The following CHD5 variants were observed in gnomAD, a reference collection of about 807,000 sequenced individuals.
CHD5 encodes ATP-dependent chromatin remodeler CHD5.
A neutral mutation model predicts 230.3 loss-of-function variants in CHD5; 69 were observed. That is an observed-to-expected ratio of 0.30 (90% CI 0.25 to 0.37). The LOEUF is 0.37. Among genes scored for constraint, CHD5 ranks in the 10% least tolerant of loss-of-function variants. The pLI, the probability that CHD5 is intolerant of heterozygous loss-of-function variation, is 1.00. For missense variants in CHD5, 1,827 were observed against 2,622.8 expected (o/e 0.70, Z 6.63); for synonymous variants, 1,064 against 1,065.9 (o/e 1.00, Z 0.03).
intron 33 of CHD5, among the ~76,000 whole-genome samples, chr1:6,119,377 C>T (rs1666429320): frequency 1.3e-5 from 2 of 152,140 alleles, no homozygotes; most frequent in African/African-American, 4.8e-5. Context: ...GGATTACTGG[C>T]ATGAGCCACC....
intron 1 of CHD5, among the ~76,000 whole-genome samples, chr1:6,177,183 C>A (rs1275872217): frequency 6.6e-6 from 1 of 152,254 alleles, no homozygotes; most frequent in African/African-American, 2.4e-5. Flanking sequence ...CTAGCTCCTC[C>A]AGCCACAAAC....
chr1:6,142,074 C>G lies in CHD5; in HGVS notation c.2436+54G>C. On this transcript the variant is annotated intron_variant, in intron 15 of 41. Transcript: ENST00000262450. The surrounding 1 kb of genome is among the most constrained non-coding windows in gnomAD (Gnocchi z 5.2). ...AAGGAGTGCACGGCACCCGTGGTCC[C>G]TGAACTAGACCGGGGGCCTTCCTAC... is the stretch of plus-strand genomic sequence containing the variant. 6.5e-7 allele frequency: 1 copy of G among 1,533,896 alleles called. No individual in the cohort carries two copies. Among genetic ancestry groups the G allele is most frequent in the Non-Finnish European group, 9.0e-7 (1 of 1,109,276 alleles).
intron 13 of CHD5, among the ~76,000 whole-genome samples, chr1:6,143,328 C>T (rs1349922673): frequency 8.5e-5 from 13 of 152,182 alleles, no homozygotes; most frequent in African/African-American, 2.9e-4. Context: ...CCACCATGCC[C>T]GGCCCATTTG....
chr1:6,107,354 A>T, intron 38 of CHD5, among the ~76,000 whole-genome samples: 1 of 110,546 alleles, frequency 9.0e-6, no homozygotes, highest in South Asian at 3.7e-4. Flanking sequence ...ATGGAGGGAT[A>T]ATGAAGGAAT....
chr1:6,148,329 C>G (rs1011763390), intron 9 of CHD5, among the ~76,000 whole-genome samples: 1 of 151,874 alleles, frequency 6.6e-6, no homozygotes, highest in African/African-American at 2.4e-5. Flanking sequence ...GCCTCCTGCC[C>G]TAGAAGCCTC....
In CHD5 at chr1:6,105,714, G is replaced by C. The variant is rs1371625444; in HGVS notation, c.*47-287C>G. ...CCACAGGGACAGACACAGCGTAGTG[G>C]AGGCTGGTGGCCCCAGAGAAGACCA... On this transcript the variant is annotated intron_variant, in intron 41 of 41. Coordinates refer to ENST00000262450, the MANE Select transcript of CHD5 (RefSeq NM_015557.3). The surrounding 1 kb of genome is among the most constrained non-coding windows in gnomAD (Gnocchi z 4.8). 6.6e-6 allele frequency among the ~76,000 whole-genome samples: 1 copy of C among 152,232 alleles called. No homozygotes were observed. The highest frequency in any genetic ancestry group is 1.5e-5 in the Non-Finnish European group (1 of 68,034).
At chr1:6,137,783 A>G (rs950376748) in intron 15 of CHD5, among the ~76,000 whole-genome samples, 1 of 152,216 alleles carries the variant, frequency 6.6e-6, no homozygotes, top group African/African-American at 2.4e-5. Context: ...GAAATTATTA[A>G]TCATTTTGTT....
Position 6,106,407 on chromosome 1 carries a change from GC to G in CHD5, c.5844del (p.Tyr1950MetfsTer2). 6.3e-7 allele frequency: 1 copy of G among 1,594,938 alleles called. No individual in the cohort carries two copies. The highest frequency in any genetic ancestry group is 1.1e-5 in the South Asian group (1 of 89,278). ...GACGGGCACCTACCGGTCACATAGGGCCCCAGGGGCATCTGGTTGTAGTTGA... is the reference window on the plus strand; with the variant it reads ...GACGGGCACCTACCGGTCACATAGGGCCCAGGGGCATCTGGTTGTAGTTGA... Reference protein sequence around the residue: ...GIVNYNQMPLGPYVTDI With the variant: ...GIVNYNQMPLXPYVTDI On this transcript the variant is annotated frameshift_variant, in exon 40 of 42. Coordinates refer to ENST00000262450, the MANE Select transcript of CHD5 (RefSeq NM_015557.3). LOFTEE classifies it high-confidence loss of function.
Position 6,155,773 on chromosome 1 carries a change from C to A in CHD5, c.388-56G>T, listed in dbSNP as rs1667071204. The A allele has an allele frequency of 6.5e-6, 9 of 1,381,422 alleles. No homozygotes were observed. The highest frequency in any genetic ancestry group is 1.2e-5 in the South Asian group (1 of 86,096). 85.6% of individuals were successfully genotyped at this position (1,381,422 alleles called of 1,614,324 possible). On this transcript the variant is annotated intron_variant, in intron 3 of 41. Transcript: ENST00000262450. The surrounding 1 kb of genome is among the most constrained non-coding windows in gnomAD (Gnocchi z 4.0). ...TTGAGGGGCCTTCTGACCTGCACCCCCATCCCCAGGGTCTCTGCCTAGGAG... is the reference window on the plus strand; with the variant it reads ...TTGAGGGGCCTTCTGACCTGCACCCACATCCCCAGGGTCTCTGCCTAGGAG...
intron 31 of CHD5, among the ~76,000 whole-genome samples, chr1:6,122,302 A>G (rs1225931535): frequency 6.6e-6 from 1 of 152,276 alleles, no homozygotes; most frequent in Non-Finnish European, 1.5e-5. Flanking sequence ...CCAAAGTGAC[A>G]CGGGCACAAA....
At chr1:6,170,158 G>T (rs1030863865) in intron 1 of CHD5, among the ~76,000 whole-genome samples, 2 of 152,092 alleles carry the variant, frequency 1.3e-5, no homozygotes, top group Non-Finnish European at 2.9e-5. Flanking sequence ...TGGTGACCCT[G>T]GTGACCCCTG....
In CHD5 at chr1:6,130,214, T is replaced by C; in HGVS notation, c.3377A>G (p.Asn1126Ser). The change falls in exon 22 of 42, where the codon AAT becomes AGT. Residue 1126 changes from asparagine to serine, a missense_variant. Around this residue, in one of 14 missense-constraint regions of CHD5, gnomAD observed 81 missense variants for 245.4 expected, o/e 0.33. Coordinates refer to ENST00000262450, the MANE Select transcript of CHD5 (RefSeq NM_015557.3). The surrounding 1 kb of genome is among the most constrained non-coding windows in gnomAD (Gnocchi z 4.9). Reference sequence around the variant, plus strand: ...GGCAGCAGCACAGACCTGGATGTCATTGTGCGGGTTCCAGTCCGAGTCGTA... The same window carrying C: ...GGCAGCAGCACAGACCTGGATGTCACTGTGCGGGTTCCAGTCCGAGTCGTA... Reference protein sequence around the residue: ...IIYDSDWNPHNDIQAFSRAHR... With the variant: ...IIYDSDWNPHSDIQAFSRAHR... 6.2e-7 allele frequency: 1 copy of C among 1,613,944 alleles called. No homozygotes were observed. The highest frequency in any genetic ancestry group is 8.5e-7 in the Non-Finnish European group (1 of 1,179,916).
In CHD5 at chr1:6,146,553, T is replaced by G; in HGVS notation, c.1590+112A>C. ...TCCTCCCGCTCAGCACCACCCCAAC[T>G]CCCAACAGCACCCCTCAGTCAGAGG... On this transcript the variant is annotated intron_variant, in intron 10 of 41. Transcript: ENST00000262450. This position sits in a 1 kb window ranked among gnomAD's most constrained non-coding sequence, Gnocchi z 5.1. The G allele has an allele frequency of 3.6e-6, 5 of 1,393,386 alleles. No homozygotes were observed. Among genetic ancestry groups the G allele is most frequent in the Non-Finnish European group, 5.1e-6 (5 of 989,278 alleles). The allele number at this position is 1,393,386 out of a possible 1,614,324, so 86.3% of individuals were successfully genotyped here.
intron 1 of CHD5, among the ~76,000 whole-genome samples, chr1:6,170,158 G>C (rs1030863865): frequency 2.6e-5 from 4 of 152,092 alleles, no homozygotes; most frequent in African/African-American, 7.2e-5. Flanking sequence ...TGGTGACCCT[G>C]GTGACCCCTG....
intron 15 of CHD5, among the ~76,000 whole-genome samples, chr1:6,137,598 A>C (rs1666765635): frequency 6.6e-6 from 1 of 151,988 alleles, no homozygotes; most frequent in South Asian, 2.1e-4. Context: ...CTCCCAATGT[A>C]CTGGGAATAC....
intron 20 of CHD5, among the ~76,000 whole-genome samples, chr1:6,132,014 C>G (rs902128327): frequency 3.9e-5 from 6 of 152,222 alleles, no homozygotes; most frequent in Non-Finnish European, 7.3e-5. Context: ...TCCCACCACA[C>G]AGAATTAAGT....
chr1:6,107,223 A>C (rs1666195449), intron 38 of CHD5, among the ~76,000 whole-genome samples: 1 of 120,356 alleles, frequency 8.3e-6, no homozygotes, highest in Non-Finnish European at 1.7e-5. Flanking sequence ...GGAGGGATGG[A>C]GGGATGATGG....
rs780276723 is a variant in CHD5, at chr1:6,134,721, G to A, written c.3009C>T (p.Ala1003=). 27 of 1,613,918 alleles carry A rather than the reference G, an allele frequency of 1.7e-5. No homozygotes were observed. The highest frequency in any genetic ancestry group is 4.5e-5 in the East Asian group (2 of 44,890). The change falls in exon 19 of 42, where the codon GCC becomes GCT. Residue 1003 remains alanine (A), a synonymous_variant. Coordinates refer to ENST00000262450, the MANE Select transcript of CHD5 (RefSeq NM_015557.3). The surrounding 1 kb of genome is among the most constrained non-coding windows in gnomAD (Gnocchi z 6.3). ...CNHPYLFPVA[A]VEAPVLPNGS... ...CATGATGGCCGGGGAAACCTACCACGGCAGCCACAGGGAAGAGGTAGGGGT... is the reference window on the plus strand; with the variant it reads ...CATGATGGCCGGGGAAACCTACCACAGCAGCCACAGGGAAGAGGTAGGGGT...
At chr1:6,106,897 T>C (rs1666180790) in intron 38 of CHD5, 118 bp from the exon 39 acceptor site, 1 of 241,952 alleles carries the variant, frequency 4.1e-6, no homozygotes, top group Non-Finnish European at 6.0e-6. Context: ...AGTGGAAGGA[T>C]GGAGGGATGG....
Sources: allele counts gnomAD v4.1 joint callset (sites outside exome capture counted in the v4.1 genomes callset), GRCh38; gene constraint gnomAD v4.1.1; regional missense constraint gnomAD v4.1.1; non-coding constraint Gnocchi (gnomAD v3.1); transcripts MANE v1.5; gene names NCBI Gene and HGNC (gene_info 2026-07-23, HGNC 2026-07-21).